ADAMTS19: variants seen among roughly 807,000 people sequenced by gnomAD.
ADAMTS19 encodes the protein A disintegrin and metalloproteinase with thrombospondin motifs 19.
A neutral mutation model predicts 153.3 loss-of-function variants in ADAMTS19; 93 were observed. That is an observed-to-expected ratio of 0.61 (90% CI 0.51 to 0.72). ADAMTS19 has a LOEUF of 0.72. Among genes scored for constraint, ADAMTS19 ranks in the 30% least tolerant of loss-of-function variants. The pLI, the probability that ADAMTS19 is intolerant of heterozygous loss-of-function variation, is 0.00. For missense variants in ADAMTS19, 1,482 were observed against 1,552.1 expected (o/e 0.95, Z 0.76); for synonymous variants, 600 against 556.6 (o/e 1.08, Z -1.10).
At chr5:129,662,888 ATTTTTT>A in intron 15 of ADAMTS19, among the ~76,000 whole-genome samples, 1 of 92,896 alleles carries the variant, frequency 1.1e-5, no homozygotes, top group African/African-American at 4.7e-5. Context: ...ATTCTTCTTC[ATTTTTT>A]TTTTTTTTTT....
At chr5:129,567,297 T>C (rs900681579) in intron 7 of ADAMTS19, among the ~76,000 whole-genome samples, 1 of 152,224 alleles carries the variant, frequency 6.6e-6, no homozygotes, top group African/African-American at 2.4e-5. Context: ...AGGTAAAATG[T>C]CTAGAACACA....
At chr5:129,660,611 G>A (rs928237709) in intron 15 of ADAMTS19, among the ~76,000 whole-genome samples, 2 of 151,862 alleles carry the variant, frequency 1.3e-5, no homozygotes, top group African/African-American at 4.8e-5. Context: ...TTTTTACTCT[G>A]ACTGTAGTTA....
intron 6 of ADAMTS19, among the ~76,000 whole-genome samples, chr5:129,533,464 T>C (rs999947417): frequency 2.0e-5 from 3 of 152,324 alleles, no homozygotes; most frequent in South Asian, 2.1e-4. Context: ...TTTTATTGCG[T>C]CTATTTGATT....
intron 7 of ADAMTS19, among the ~76,000 whole-genome samples, chr5:129,591,443 C>T (rs1000838647): frequency 6.6e-6 from 1 of 151,952 alleles, no homozygotes; most frequent in Non-Finnish European, 1.5e-5. Context: ...CAGGCATGCA[C>T]CACCACGCCT....
rs188537719 is a variant in ADAMTS19, at chr5:129,597,722, T to A, written c.1478+1058T>A. ...GAGATCGAGACCATCCTGGCCAACATGAAACCCCGTCTCTACTAAAAATAC... is the reference window on the plus strand; with the variant it reads ...GAGATCGAGACCATCCTGGCCAACAAGAAACCCCGTCTCTACTAAAAATAC... On this transcript the variant is annotated intron_variant, in intron 8 of 22. Transcript: ENST00000274487. 1.3e-3 allele frequency among the ~76,000 whole-genome samples: 203 copies of A among 151,810 alleles called. 1 individual carries two copies. The highest frequency in any genetic ancestry group is 4.6e-3 in the African/African-American group (190 of 41,430).
chr5:129,474,965 C>A lies in ADAMTS19; in HGVS notation c.747+13208C>A, dbSNP rs553960394. On this transcript the variant is annotated intron_variant, in intron 2 of 22. Coordinates refer to ENST00000274487, the MANE Select transcript of ADAMTS19 (RefSeq NM_133638.6). The stretch of plus-strand genomic sequence containing the variant: ...TTTCTACTATTTAGTTTTAAGAGTT[C>A]TTTATATACTCTGGATATAAATATT... Among the ~76,000 whole-genome samples, 8 of 152,116 alleles carry A rather than the reference C, an allele frequency of 5.3e-5. No homozygotes were observed. The South Asian group carries it at 1.7e-3, about 32-fold the overall frequency.
At chr5:129,516,862 T>A (rs1323137135) in intron 3 of ADAMTS19, among the ~76,000 whole-genome samples, 7 of 151,212 alleles carry the variant, frequency 4.6e-5, no homozygotes, top group Non-Finnish European at 1.0e-4. Flanking sequence ...CTATTCTAGT[T>A]CTTGTTAGGT....
intron 11 of ADAMTS19, among the ~76,000 whole-genome samples, chr5:129,647,198 G>C (rs1753100102): frequency 8.1e-6 from 1 of 122,764 alleles, no homozygotes; most frequent in African/African-American, 3.1e-5. Context: ...GTTTGAACTT[G>C]ATGGGAATTC....
chr5:129,677,366 C>T (rs1754595625), intron 16 of ADAMTS19, among the ~76,000 whole-genome samples: 1 of 151,972 alleles, frequency 6.6e-6, no homozygotes, highest in South Asian at 2.1e-4. Context: ...ATCCCAGCTA[C>T]TCGGGATGCT....
chr5:129,598,861 C>T (rs756009366), intron 8 of ADAMTS19, among the ~76,000 whole-genome samples: 2 of 152,160 alleles, frequency 1.3e-5, no homozygotes, highest in Non-Finnish European at 2.9e-5. Flanking sequence ...AGCAGTTGGT[C>T]TTGTGGAACT....
intron 21 of ADAMTS19, among the ~76,000 whole-genome samples, chr5:129,729,410 G>A (rs1358738682): frequency 6.6e-6 from 1 of 151,608 alleles, no homozygotes; most frequent in Non-Finnish European, 1.5e-5. Flanking sequence ...TGTAATAAAA[G>A]TTTTACCAAA....
At chr5:129,469,683 A>G (rs1561528811) in intron 2 of ADAMTS19, among the ~76,000 whole-genome samples, 2 of 152,242 alleles carry the variant, frequency 1.3e-5, no homozygotes, top group Non-Finnish European at 2.9e-5. Context: ...GAATGAAAAG[A>G]TAAAAGAAAC....
chr5:129,728,144 C>A (rs1174177753), intron 21 of ADAMTS19, among the ~76,000 whole-genome samples: 1 of 152,120 alleles, frequency 6.6e-6, no homozygotes, highest in Non-Finnish European at 1.5e-5. Context: ...AGCACCATGA[C>A]AGTTTACAAA....
chr5:129,607,101 G>C (rs1304901517), intron 8 of ADAMTS19, among the ~76,000 whole-genome samples: 1 of 151,960 alleles, frequency 6.6e-6, no homozygotes, highest in Non-Finnish European at 1.5e-5. Flanking sequence ...ATTTTTAGTA[G>C]AGACAGGGTT....
chr5:129,478,023 C>T (rs112756324), intron 2 of ADAMTS19, among the ~76,000 whole-genome samples: 33 of 152,152 alleles, frequency 2.2e-4, no homozygotes, highest in Non-Finnish European at 3.7e-4. Context: ...AAAGAGAAAG[C>T]GGAGAACCAT....
At chr5:129,711,710 T>C (rs1210646348) in intron 21 of ADAMTS19, among the ~76,000 whole-genome samples, 1 of 152,082 alleles carries the variant, frequency 6.6e-6, no homozygotes, top group African/African-American at 2.4e-5. Context: ...GGCTAGCATT[T>C]CCAAAATTTT....
chr5:129,569,320 C>T (rs1369010409), intron 7 of ADAMTS19, among the ~76,000 whole-genome samples: 1 of 151,982 alleles, frequency 6.6e-6, no homozygotes, highest in Non-Finnish European at 1.5e-5. Context: ...AACAATAGAG[C>T]TTTAAAACTC....
chr5:129,483,938 G>C (rs1375944992), intron 2 of ADAMTS19, among the ~76,000 whole-genome samples: 5 of 152,104 alleles, frequency 3.3e-5, no homozygotes, highest in East Asian at 1.9e-4. Flanking sequence ...GTTATTAAAA[G>C]TTTTATATAT....
intron 6 of ADAMTS19, among the ~76,000 whole-genome samples, chr5:129,537,407 C>T (rs1203453776): frequency 6.6e-6 from 1 of 152,120 alleles, no homozygotes; most frequent in East Asian, 1.9e-4. Context: ...ACCATTTGAC[C>T]CAGCCATCCC....
Sources: gnomAD v4.1 joint callset for allele counts (sites outside exome capture counted in the v4.1 genomes callset) on GRCh38, gnomAD v4.1.1 for gene constraint, MANE v1.5 for transcripts, NCBI Gene and HGNC (gene_info 2026-07-23, HGNC 2026-07-21) for gene names.